UNC80: variants seen among roughly 807,000 people sequenced by gnomAD.
UNC80 encodes protein unc-80 homolog.
UNC80 carries 164 observed loss-of-function variants against 384.6 expected under a neutral mutation model. The ratio of observed to expected loss-of-function variants is 0.43; its 90% confidence interval spans 0.38 to 0.49. The LOEUF is 0.49. Ranked by LOEUF, UNC80 falls within the 20% of genes least tolerant of loss-of-function variation. The probability of loss-of-function intolerance (pLI) is 0.00; values close to 1 mark genes in which losing one functional copy is unlikely to be tolerated. For missense variants in UNC80, 3,330 were observed against 4,143.0 expected (o/e 0.80, Z 5.39); for synonymous variants, 1,486 against 1,527.8 (o/e 0.97, Z 0.64).
In UNC80 at chr2:209,796,845, G is replaced by A. The variant is rs116813883; in HGVS notation, c.938+2986G>A. ...TTTCAGGTATTTCTTTATCAACAGC[G>A]TGAAAACGAACTAATACACAGTTTA... On this transcript the variant is annotated intron_variant, in intron 7 of 64. Coordinates refer to ENST00000673920, the MANE Select transcript of UNC80 (RefSeq NM_001371986.1). 3.3e-3 allele frequency among the ~76,000 whole-genome samples: 498 copies of A among 152,226 alleles called. 2 individuals are homozygous for A. The highest frequency in any genetic ancestry group is 5.7e-3 in the Non-Finnish European group (390 of 68,008).
At chr2:209,922,433 A>G (rs1197898180) in intron 35 of UNC80, 50 bp downstream of exon 35, 2 of 1,524,528 alleles carry the variant, frequency 1.3e-6, no homozygotes, top group East Asian at 4.9e-5. Flanking sequence ...GTGTTTTGAA[A>G]CACTTTCCAG....
chr2:209,885,077 T>TA (rs1308679589), intron 25 of UNC80, among the ~76,000 whole-genome samples: 10 of 149,406 alleles, frequency 6.7e-5, no homozygotes, highest in Non-Finnish European at 1.5e-5. Flanking sequence ...TAATTCTTTT[T>TA]AAAAAAAGAA....
At chr2:209,904,585 A>G (rs1190803111) in intron 28 of UNC80, among the ~76,000 whole-genome samples, 180 bp from the exon 29 acceptor site, 3 of 152,240 alleles carry the variant, frequency 2.0e-5, no homozygotes, top group Non-Finnish European at 4.4e-5. Context: ...TGGGGGGAGA[A>G]CAAAAGGCCA....
Position 209,813,574 on chromosome 2 carries a change from G to C in UNC80, c.939-6G>C, listed in dbSNP as rs1404210659. ...GTATAATTATCTTCTTTCTGCCATGGAACAGGGCCTCTCTTGTGATACCTC... is the reference window on the plus strand; with the variant it reads ...GTATAATTATCTTCTTTCTGCCATGCAACAGGGCCTCTCTTGTGATACCTC... On this transcript the variant is annotated splice_region_variant and splice_polypyrimidine_tract_variant and intron_variant, in intron 7 of 64. Coordinates refer to ENST00000673920, the MANE Select transcript of UNC80 (RefSeq NM_001371986.1). 6.5e-7 allele frequency: 1 copy of C among 1,549,712 alleles called. No homozygotes were observed. Among genetic ancestry groups the C allele is most frequent in the Non-Finnish European group, 8.7e-7 (1 of 1,145,712 alleles).
intron 52 of UNC80, chr2:209,968,056 A>C (rs2092786089): frequency 6.5e-6 from 1 of 153,184 alleles, no homozygotes; most frequent in African/African-American, 2.4e-5. Context: ...GTTTAGAGAA[A>C]TTCCAAGCTT....
intron 4 of UNC80, among the ~76,000 whole-genome samples, chr2:209,781,747 C>A (rs1477177339): frequency 6.6e-6 from 1 of 152,176 alleles, no homozygotes; most frequent in Non-Finnish European, 1.5e-5. Flanking sequence ...CCATGTGTAT[C>A]CTGCAGGCTG....
chr2:209,804,346 C>T (rs1269184602), intron 7 of UNC80, among the ~76,000 whole-genome samples: 2 of 152,184 alleles, frequency 1.3e-5, no homozygotes, highest in East Asian at 1.9e-4. Context: ...TGGTTCTTGG[C>T]TCCACCCTCT....
At chr2:209,954,320 T>TTA in intron 48 of UNC80, 50 bp downstream of exon 48, 1 of 1,328,658 alleles carries the variant, frequency 7.5e-7, no homozygotes, top group African/African-American at 1.6e-5. Flanking sequence ...ATGTTTCCAC[T>TTA]GAAAAAAAAA....
intron 28 of UNC80, among the ~76,000 whole-genome samples, chr2:209,903,162 C>G (rs2087622174): frequency 6.7e-6 from 1 of 150,366 alleles, no homozygotes; most frequent in Non-Finnish European, 1.5e-5. Flanking sequence ...ATAATGATTC[C>G]CAAAAATGTC....
chr2:209,930,723 A>G (rs2090790907), intron 37 of UNC80, among the ~76,000 whole-genome samples: 1 of 152,210 alleles, frequency 6.6e-6, no homozygotes, highest in South Asian at 2.1e-4. Context: ...TTTAAAAAGA[A>G]CAAAGTCGTT....
intron 21 of UNC80, among the ~76,000 whole-genome samples, chr2:209,846,769 A>G (rs899698090): frequency 6.6e-6 from 1 of 152,118 alleles, no homozygotes; most frequent in African/African-American, 2.4e-5. Flanking sequence ...GCATTCTTAC[A>G]TCCTAGTGTA....
intron 26 of UNC80, among the ~76,000 whole-genome samples, chr2:209,891,763 C>T (rs1483286057): frequency 6.6e-6 from 1 of 152,058 alleles, no homozygotes; most frequent in African/African-American, 2.4e-5. Context: ...AATCAGTTGA[C>T]GAAAATCTTC....
chr2:209,936,795 TA>T, intron 40 of UNC80, 48 bp from the exon 41 acceptor site: 1 of 1,336,176 alleles, frequency 7.5e-7, no homozygotes. Context: ...ACCTAGCACA[TA>T]ATATCTTCCT....
intron 7 of UNC80, chr2:209,809,556 G>A (rs1031840651): frequency 2.0e-5 from 18 of 901,872 alleles, no homozygotes; most frequent in Middle Eastern, 2.2e-4. Context: ...ACCAAGAGTC[G>A]GGCTGCTCAG....
chr2:209,950,491 A>T, intron 47 of UNC80, among the ~76,000 whole-genome samples: 1 of 142,976 alleles, frequency 7.0e-6, no homozygotes, highest in Non-Finnish European at 1.5e-5. Flanking sequence ...GGCTTTGTTG[A>T]TTTTTGCTAT....
intron 46 of UNC80, 92 bp downstream of exon 46, chr2:209,945,281 T>C: frequency 8.0e-7 from 1 of 1,257,348 alleles, no homozygotes. Context: ...TATATTTATA[T>C]GTGTGTGTAT....
chr2:209,846,423 C>G (rs890547936), intron 21 of UNC80, among the ~76,000 whole-genome samples: 5 of 151,820 alleles, frequency 3.3e-5, no homozygotes, highest in Non-Finnish European at 7.4e-5. Context: ...TTCAAGTAAT[C>G]AACACGTTTA....
chr2:209,794,858 A>G (rs1259362908), intron 7 of UNC80: 2 of 444,892 alleles, frequency 4.5e-6, no homozygotes, highest in Non-Finnish European at 9.0e-6. Flanking sequence ...TGTAACTCCA[A>G]TTAAACTTAC....
intron 47 of UNC80, among the ~76,000 whole-genome samples, chr2:209,947,580 A>T (rs1311755062): frequency 6.6e-6 from 1 of 152,210 alleles, no homozygotes; most frequent in African/African-American, 2.4e-5. Flanking sequence ...CCATTCTGTC[A>T]GTTTAAACCA....
Sources: allele counts gnomAD v4.1 joint callset (sites outside exome capture counted in the v4.1 genomes callset), GRCh38; gene constraint gnomAD v4.1.1; transcripts MANE v1.5; gene names NCBI Gene and HGNC (gene_info 2026-07-23, HGNC 2026-07-21).